GRM7: variants seen among roughly 807,000 people sequenced by gnomAD.
The protein encoded by GRM7 is metabotropic glutamate receptor 7.
In GRM7, 35 loss-of-function variants were observed where a neutral mutation model predicts 84.5. That is an observed-to-expected ratio of 0.41 (90% confidence interval 0.32 to 0.55). GRM7 has a LOEUF of 0.55. Among genes scored for constraint, GRM7 ranks in the 20% least tolerant of loss-of-function variants. The probability of loss-of-function intolerance (pLI) is 0.19; values close to 1 mark genes in which losing one functional copy is unlikely to be tolerated. For missense variants in GRM7, 1,003 were observed against 1,194.6 expected (o/e 0.84, Z 2.36); for synonymous variants, 487 against 455.1 (o/e 1.07, Z -0.89).
chr3:6,934,378 G>T (rs182100274), intron 1 of GRM7, among the ~76,000 whole-genome samples: 1 of 151,912 alleles, frequency 6.6e-6, no homozygotes, highest in Non-Finnish European at 1.5e-5. Flanking sequence ...CAATAGTAAG[G>T]TACCATGAAA....
chr3:7,122,136 A>C (rs530846818), intron 1 of GRM7, among the ~76,000 whole-genome samples: 1 of 152,344 alleles, frequency 6.6e-6, no homozygotes, highest in African/African-American at 2.4e-5. Flanking sequence ...TTATAGCAGC[A>C]GAAAATAGAC....
At position 6,861,541 on chromosome 3, in the gene GRM7, C is replaced by T; in HGVS notation, c.153C>T (p.Leu51=). 1.3e-6 allele frequency: 2 copies of T among 1,584,640 alleles called. No individual in the cohort carries two copies. Among genetic ancestry groups the T allele is most frequent in the Non-Finnish European group, 1.7e-6 (2 of 1,165,278 alleles). ...HSIRIEGDVT[L]GGLFPVHAKG... ...TCCGGATCGAGGGGGACGTCACCCT[C>T]GGGGGGCTGTTCCCCGTGCACGCCA... is the stretch of plus-strand genomic sequence containing the variant. Residue 51 remains leucine, a synonymous_variant, in exon 1 of 10, where the codon CTC becomes CTT. Transcript: ENST00000357716. The surrounding 1 kb of genome is among the most constrained non-coding windows in gnomAD (Gnocchi z 6.4).
rs377646963 is a variant in GRM7, at chr3:7,215,497, T to C, written c.736+68829T>C. Among the ~76,000 whole-genome samples, 478 of 152,068 alleles carry C rather than the reference T, an allele frequency of 3.1e-3. 9 individuals carry two copies. In the South Asian group the frequency reaches 0.037, roughly 12 times the overall value. On this transcript the variant is annotated intron_variant, in intron 2 of 9. Transcript: ENST00000357716. Reference sequence around the variant, plus strand: ...GGCTAACACAGTGAAACCCCGTCTCTACTAAAAATACAAAAAAATTAGCCA... The same window carrying C: ...GGCTAACACAGTGAAACCCCGTCTCCACTAAAAATACAAAAAAATTAGCCA...
intron 2 of GRM7, among the ~76,000 whole-genome samples, chr3:7,213,307 CCTTT>C (rs1333294996): frequency 4.6e-5 from 7 of 151,986 alleles, no homozygotes; most frequent in African/African-American, 9.7e-5. Flanking sequence ...GATAATCATG[CCTTT>C]CTTTCTTTCA....
chr3:6,931,173 C>G (rs1037643437), intron 1 of GRM7, among the ~76,000 whole-genome samples: 1 of 152,136 alleles, frequency 6.6e-6, no homozygotes, highest in Non-Finnish European at 1.5e-5. Context: ...TCAGGAAGTG[C>G]AAGACAGTAT....
chr3:7,511,187 T>C (rs1434007055), intron 7 of GRM7, among the ~76,000 whole-genome samples: 1 of 152,180 alleles, frequency 6.6e-6, no homozygotes. Flanking sequence ...CCTGAGGAGC[T>C]TGACTTAGTT....
At chr3:7,264,118 G>C (rs1698544508) in intron 2 of GRM7, among the ~76,000 whole-genome samples, 1 of 152,072 alleles carries the variant, frequency 6.6e-6, no homozygotes, top group Admixed American at 6.5e-5. Flanking sequence ...GGTACCCCAG[G>C]CTGCACTGCA....
chr3:7,014,361 G>A (rs1695489403), intron 1 of GRM7, among the ~76,000 whole-genome samples: 1 of 151,716 alleles, frequency 6.6e-6, no homozygotes, highest in Admixed American at 6.6e-5. Context: ...AATTTTTTGA[G>A]ACAGAGTTTT....
intron 1 of GRM7, among the ~76,000 whole-genome samples, chr3:7,093,933 G>A (rs1433214360): frequency 1.3e-5 from 2 of 152,062 alleles, no homozygotes; most frequent in Admixed American, 6.6e-5. Context: ...CTATTTATGG[G>A]ATTAAATTGC....
intron 2 of GRM7, among the ~76,000 whole-genome samples, chr3:7,249,958 T>A (rs528600525): frequency 3.3e-5 from 5 of 152,258 alleles, no homozygotes; most frequent in Non-Finnish European, 7.4e-5. Context: ...GGGAAGAGAA[T>A]ACACTTTCCT....
chr3:6,938,216 T>C (rs927639365), intron 1 of GRM7, among the ~76,000 whole-genome samples: 1 of 152,250 alleles, frequency 6.6e-6, no homozygotes, highest in African/African-American at 2.4e-5. Context: ...CTGAAATTGC[T>C]TGGATTTCTC....
intron 1 of GRM7, among the ~76,000 whole-genome samples, chr3:6,996,545 A>T (rs569769386): frequency 6.6e-6 from 1 of 152,302 alleles, no homozygotes; most frequent in East Asian, 1.9e-4. Context: ...TTTGCTCCTG[A>T]ACGCTGTTTT....
chr3:7,387,039 TAA>T (rs1694812521), intron 4 of GRM7, among the ~76,000 whole-genome samples: 1 of 152,232 alleles, frequency 6.6e-6, no homozygotes, highest in South Asian at 2.1e-4. Flanking sequence ...GCATTTTTTA[TAA>T]GTTTATTGGC....
chr3:6,999,148 A>G (rs1003311484), intron 1 of GRM7, among the ~76,000 whole-genome samples: 2 of 152,146 alleles, frequency 1.3e-5, no homozygotes, highest in African/African-American at 2.4e-5. Flanking sequence ...TACCTAAATC[A>G]TCTCTCTCAA....
intron 2 of GRM7, among the ~76,000 whole-genome samples, chr3:7,212,548 A>G (rs1334593342): frequency 6.6e-6 from 1 of 152,200 alleles, no homozygotes; most frequent in Non-Finnish European, 1.5e-5. Flanking sequence ...TGCCCAGGAT[A>G]TTGCAGAATT....
intron 1 of GRM7, chr3:6,892,941 T>C (rs1040992689): frequency 6.6e-6 from 1 of 152,156 alleles, no homozygotes; most frequent in Non-Finnish European, 1.5e-5. Flanking sequence ...AGGGATGAAG[T>C]TGAGATTTCA....
intron 9 of GRM7, among the ~76,000 whole-genome samples, chr3:7,740,151 C>T (rs377716572): frequency 3.7e-4 from 57 of 152,070 alleles, no homozygotes; most frequent in Non-Finnish European, 7.2e-4. Flanking sequence ...GAGAAGAGAA[C>T]GCAATTGATT....
At position 7,415,126 on chromosome 3, in the gene GRM7, T is replaced by G. The variant is rs1293032344; in HGVS notation, c.1137T>G (p.Ser379Arg). 1.2e-6 allele frequency: 2 copies of G among 1,612,756 alleles called. No individual in the cohort carries two copies. Among genetic ancestry groups the G allele is most frequent in the African/African-American group, 2.7e-5 (2 of 74,830 alleles). ...ACTTCAACTGCAAGTTGACGATTAGTGGGTCAAAAAAAGAAGACACAGATC... is the reference window on the plus strand; with the variant it reads ...ACTTCAACTGCAAGTTGACGATTAGGGGGTCAAAAAAAGAAGACACAGATC... Reference protein sequence around the residue: ...EENFNCKLTISGSKKEDTDRK... With the variant: ...EENFNCKLTIRGSKKEDTDRK... Residue 379 changes from serine (S) to arginine (R), a missense_variant, in exon 5 of 10, where the codon AGT becomes AGG. Ser to Arg is a moderately radical substitution (Grantham distance 110). Transcript: ENST00000357716.
At chr3:7,179,048 G>T (rs1695250263) in intron 2 of GRM7, among the ~76,000 whole-genome samples, 1 of 152,188 alleles carries the variant, frequency 6.6e-6, no homozygotes, top group African/African-American at 2.4e-5. Context: ...GGAAGTTGCA[G>T]TGAGCGGAGA....
Sources: gnomAD v4.1 joint callset for allele counts (sites outside exome capture counted in the v4.1 genomes callset) on GRCh38, gnomAD v4.1.1 for gene constraint, Gnocchi (gnomAD v3.1) non-coding constraint, MANE v1.5 for transcripts, NCBI Gene and HGNC (gene_info 2026-07-23, HGNC 2026-07-21) for gene names.